The following COX7B2 variants were observed in gnomAD, a reference collection of about 807,000 sequenced individuals.
COX7B2 encodes cytochrome c oxidase subunit 7B2, mitochondrial.
For missense variants in COX7B2, 109 were observed against 95.9 expected, an observed-to-expected ratio of 1.14 and a Z score of -0.57; for synonymous variants, 37 against 32.1, an observed-to-expected ratio of 1.15 and a Z score of -0.51.
intron 2 of COX7B2, among the ~76,000 whole-genome samples, chr4:46,838,919 C>T (rs961959114): frequency 2.0e-5 from 3 of 151,680 alleles, no homozygotes; most frequent in African/African-American, 4.8e-5. Flanking sequence ...GCACCAAATA[C>T]ATCTCAAGAT....
intron 2 of COX7B2, among the ~76,000 whole-genome samples, chr4:46,756,062 T>A (rs1189949202): frequency 6.6e-6 from 1 of 152,036 alleles, no homozygotes; most frequent in East Asian, 1.9e-4. Flanking sequence ...CTTCAAATTA[T>A]ACTACAAAGC....
At chr4:46,864,374 T>C (rs1717516990) in intron 1 of COX7B2, among the ~76,000 whole-genome samples, 1 of 151,924 alleles carries the variant, frequency 6.6e-6, no homozygotes, top group African/African-American at 2.4e-5. Flanking sequence ...AAAGGGAAGT[T>C]AGCTTTATTG....
intron 1 of COX7B2, among the ~76,000 whole-genome samples, chr4:46,870,188 A>T (rs1717896653): frequency 6.6e-6 from 1 of 152,126 alleles, no homozygotes; most frequent in Non-Finnish European, 1.5e-5. Flanking sequence ...TACATTGTAA[A>T]ATCAATAAAT....
At chr4:46,776,393 AGT>A (rs34113475) in intron 2 of COX7B2, among the ~76,000 whole-genome samples, 46,468 of 146,204 alleles carry the variant, frequency 0.32, 7,334 homozygotes, top group South Asian at 0.46. Flanking sequence ...GTAGTTTCAG[AGT>A]GTGTGTGTGT....
chr4:46,833,671 A>G (rs577604635), intron 2 of COX7B2, among the ~76,000 whole-genome samples: 1 of 152,310 alleles, frequency 6.6e-6, no homozygotes, highest in East Asian at 1.9e-4. Flanking sequence ...TGACTATGAG[A>G]CCATTATGTC....
chr4:46,836,726 T>G (rs1362910077), intron 2 of COX7B2, among the ~76,000 whole-genome samples: 2 of 152,174 alleles, frequency 1.3e-5, no homozygotes, highest in Non-Finnish European at 2.9e-5. Context: ...AGATTTGTTA[T>G]GACTGACAGT....
At chr4:46,802,615 G>A (rs940397885) in intron 2 of COX7B2, among the ~76,000 whole-genome samples, 1 of 152,084 alleles carries the variant, frequency 6.6e-6, no homozygotes, top group African/African-American at 2.4e-5. Context: ...ATCAATGACA[G>A]TACTGCAATC....
chr4:46,817,221 G>A (rs951160423), intron 2 of COX7B2, among the ~76,000 whole-genome samples: 1 of 152,134 alleles, frequency 6.6e-6, no homozygotes, highest in Non-Finnish European at 1.5e-5. Context: ...AGAATTAGAA[G>A]GAAAGTAAAA....
chr4:46,828,329 A>G (rs1714832825), intron 2 of COX7B2, among the ~76,000 whole-genome samples: 1 of 152,170 alleles, frequency 6.6e-6, no homozygotes, highest in African/African-American at 2.4e-5. Flanking sequence ...ACATATGAAA[A>G]TAAGGCTCAT....
At chr4:46,807,827 G>A (rs1381483218) in intron 2 of COX7B2, among the ~76,000 whole-genome samples, 1 of 151,718 alleles carries the variant, frequency 6.6e-6, no homozygotes, top group Non-Finnish European at 1.5e-5. Flanking sequence ...AAAATTAGTT[G>A]ATAGTATATA....
At chr4:46,773,965 C>A (rs531519749) in intron 2 of COX7B2, among the ~76,000 whole-genome samples, 1 of 152,090 alleles carries the variant, frequency 6.6e-6, no homozygotes, top group South Asian at 2.1e-4. Context: ...CTTGTTCCAT[C>A]ATTCTCTTTA....
intron 2 of COX7B2, among the ~76,000 whole-genome samples, chr4:46,750,631 ACTT>A (rs1715312849): frequency 6.6e-6 from 1 of 152,164 alleles, no homozygotes; most frequent in Admixed American, 6.6e-5. Flanking sequence ...CTTTGATACC[ACTT>A]CTTCAGTCTG....
At chr4:46,776,860 G>C (rs1389763420) in intron 2 of COX7B2, among the ~76,000 whole-genome samples, 1 of 152,046 alleles carries the variant, frequency 6.6e-6, no homozygotes. Flanking sequence ...GGCTTTTCTT[G>C]ATCACCATAC....
intron 1 of COX7B2, among the ~76,000 whole-genome samples, chr4:46,850,927 C>A (rs1328381199): frequency 6.6e-6 from 1 of 151,994 alleles, no homozygotes; most frequent in Non-Finnish European, 1.5e-5. Flanking sequence ...TCAATGAGGA[C>A]CGGTTCAACT....
intron 2 of COX7B2, among the ~76,000 whole-genome samples, chr4:46,812,395 AG>A: frequency 6.6e-6 from 1 of 151,736 alleles, no homozygotes; most frequent in South Asian, 2.1e-4. Flanking sequence ...AGTCCTACAG[AG>A]GCTCAGGCCC....
intron 2 of COX7B2, among the ~76,000 whole-genome samples, chr4:46,777,193 G>C (rs139321611): frequency 6.6e-6 from 1 of 152,206 alleles, no homozygotes; most frequent in African/African-American, 2.4e-5. Context: ...ACAGAATCTG[G>C]ACCTTGAAAC....
At position 46,818,598 on chromosome 4, in the gene COX7B2, C is replaced by A. The variant is rs544194293; in HGVS notation, c.-50+26362G>T. Among the ~76,000 whole-genome samples, 3 of 151,358 alleles carry A rather than the reference C, an allele frequency of 2.0e-5. No homozygotes were observed. In the East Asian group the frequency reaches 5.8e-4, roughly 29 times the overall value. ...TTTGCAGTGAGTGAAGATCAAGCCA[C>A]TGCACTCCAGCCTGGGCGACTGAGC... On this transcript the variant is annotated intron_variant, in intron 2 of 2. Coordinates refer to ENST00000355591, the MANE Select transcript of COX7B2 (RefSeq NM_130902.3).
chr4:46,837,804 C>G (rs1004547340), intron 2 of COX7B2, among the ~76,000 whole-genome samples: 2 of 151,952 alleles, frequency 1.3e-5, no homozygotes, highest in Non-Finnish European at 2.9e-5. Flanking sequence ...CTGCCTTATG[C>G]TGTTTGTTGC....
intron 1 of COX7B2, among the ~76,000 whole-genome samples, chr4:46,881,197 T>C (rs538651675): frequency 5.9e-5 from 9 of 152,274 alleles, no homozygotes; most frequent in Non-Finnish European, 1.5e-5. Context: ...CCTGACGACA[T>C]GTGCCCAAGG....
Sources: allele counts gnomAD v4.1 joint callset (sites outside exome capture counted in the v4.1 genomes callset), GRCh38; gene constraint gnomAD v4.1.1; transcripts MANE v1.5; gene names NCBI Gene and HGNC (gene_info 2026-07-23, HGNC 2026-07-21).